DSCAM: variants seen among roughly 807,000 people sequenced by gnomAD.
DSCAM encodes the protein cell adhesion molecule DSCAM.
In DSCAM, 47 loss-of-function variants were observed where a neutral mutation model predicts 217.7. That is an observed-to-expected ratio of 0.22 (90% CI 0.17 to 0.28). The LOEUF (loss-of-function observed/expected upper bound fraction) is 0.28, where lower values mean the gene tolerates loss of function less well. Ranked by LOEUF, DSCAM falls within the 10% of genes least tolerant of loss-of-function variation. The pLI is 1.00. For missense variants in DSCAM, 2,080 were observed against 2,618.3 expected, an observed-to-expected ratio of 0.79 and a Z score of 4.49; for synonymous variants, 1,056 against 1,015.3, an observed-to-expected ratio of 1.04 and a Z score of -0.76.
chr21:40,451,840 CTCAAGGTCATCA>C (rs2075722282), intron 3 of DSCAM, among the ~76,000 whole-genome samples: 1 of 152,096 alleles, frequency 6.6e-6, no homozygotes, highest in African/African-American at 2.4e-5. Flanking sequence ...TATCCTACTG[CTCAAGGTCATCA>C]TCAAAGTCTG....
intron 3 of DSCAM, 137 bp from the exon 4 acceptor site, chr21:40,369,382 CTGCGTGTGTGTG>C: frequency 2.0e-6 from 1 of 508,730 alleles, no homozygotes. Flanking sequence ...GTGCGTGCGT[CTGCGTGTGTGTG>C]TGTGTGTGTG....
At chr21:40,473,489 A>G (rs184061924) in intron 3 of DSCAM, among the ~76,000 whole-genome samples, 122 of 152,342 alleles carry the variant, frequency 8.0e-4, no homozygotes, top group African/African-American at 2.7e-3. Context: ...CTTAGATAAT[A>G]GCCTGGTGTT....
At chr21:40,715,376 G>A (rs2090830560) in intron 1 of DSCAM, among the ~76,000 whole-genome samples, 1 of 152,194 alleles carries the variant, frequency 6.6e-6, no homozygotes, top group African/African-American at 2.4e-5. Context: ...GAAACCAAGA[G>A]TTTGGCCTCC....
At chr21:40,621,266 T>C (rs1338231250) in intron 3 of DSCAM, 1 of 152,198 alleles carries the variant, frequency 6.6e-6, no homozygotes, top group Non-Finnish European at 1.5e-5. Flanking sequence ...GTGGGATAAG[T>C]GGAGCCCGAG....
intron 10 of DSCAM, among the ~76,000 whole-genome samples, chr21:40,284,949 T>C (rs530914901): frequency 3.3e-4 from 50 of 152,364 alleles, no homozygotes; most frequent in African/African-American, 1.2e-3. Context: ...TTTCATGGTC[T>C]AGATTAGTGT....
At chr21:40,587,257 A>G (rs1343433557) in intron 3 of DSCAM, among the ~76,000 whole-genome samples, 8 of 152,332 alleles carry the variant, frequency 5.3e-5, no homozygotes, top group Admixed American at 2.0e-4. Context: ...TGAGAACACT[A>G]GGGTCATGTC....
At chr21:40,768,449 A>C (rs1274940904) in intron 1 of DSCAM, among the ~76,000 whole-genome samples, 3 of 152,086 alleles carry the variant, frequency 2.0e-5, no homozygotes, top group Admixed American at 6.5e-5. Context: ...AGTGCTCCCA[A>C]CAATTACAGC....
chr21:40,533,148 T>C (rs2076462736), intron 3 of DSCAM, among the ~76,000 whole-genome samples: 1 of 152,210 alleles, frequency 6.6e-6, no homozygotes, highest in South Asian at 2.1e-4. Flanking sequence ...CCTAAGATTG[T>C]TTCAGGATAC....
At chr21:40,398,459 A>G (rs1375285103) in intron 3 of DSCAM, among the ~76,000 whole-genome samples, 1 of 152,134 alleles carries the variant, frequency 6.6e-6, no homozygotes, top group Non-Finnish European at 1.5e-5. Context: ...TTAAAATAAT[A>G]AATAACTTGC....
chr21:40,562,962 CTTT>C (rs2076732138), intron 3 of DSCAM, among the ~76,000 whole-genome samples: 2 of 152,278 alleles, frequency 1.3e-5, no homozygotes, highest in African/African-American at 4.8e-5. Context: ...TTATATTTTT[CTTT>C]TTATTTCAAT....
At chr21:40,142,961 T>C (rs1273720220) in intron 17 of DSCAM, among the ~76,000 whole-genome samples, 1 of 152,228 alleles carries the variant, frequency 6.6e-6, no homozygotes, top group African/African-American at 2.4e-5. Context: ...TTCTTTACTT[T>C]TAGGACAGTT....
At chr21:40,015,489 G>C (rs1020387430) in intron 32 of DSCAM, among the ~76,000 whole-genome samples, 1 of 151,374 alleles carries the variant, frequency 6.6e-6, no homozygotes, top group Non-Finnish European at 1.5e-5. Context: ...GAGTGCAATG[G>C]TGCATTCATG....
At chr21:40,581,704 A>G (rs1020502351) in intron 3 of DSCAM, among the ~76,000 whole-genome samples, 2 of 152,148 alleles carry the variant, frequency 1.3e-5, no homozygotes, top group Non-Finnish European at 2.9e-5. Context: ...AGGTGGGCAC[A>G]TTTGCTACCC....
intron 10 of DSCAM, among the ~76,000 whole-genome samples, chr21:40,289,215 G>A (rs1601520744): frequency 6.6e-6 from 1 of 152,262 alleles, no homozygotes; most frequent in East Asian, 1.9e-4. Flanking sequence ...CAACCAACAG[G>A]GTAATTGAGC....
chr21:40,042,825 G>C (rs770321240), intron 31 of DSCAM, 152 bp from the exon 32 acceptor site: 19 of 698,302 alleles, frequency 2.7e-5, no homozygotes, highest in Non-Finnish European at 3.7e-5. Context: ...CCTGCCTTAG[G>C]CACTCTGAGG....
intron 32 of DSCAM, 73 bp from the exon 33 acceptor site, chr21:40,013,459 C>G: frequency 8.5e-7 from 1 of 1,180,102 alleles, no homozygotes. Flanking sequence ...TGTGTGCACA[C>G]GGGAAGCCAT....
chr21:40,777,532 A>C (rs930441107), intron 1 of DSCAM, among the ~76,000 whole-genome samples: 1 of 152,226 alleles, frequency 6.6e-6, no homozygotes, highest in South Asian at 2.1e-4. Context: ...TGGATGAAAC[A>C]CAATTCAGAA....
chr21:40,333,770 C>T (rs1008507217), intron 8 of DSCAM, among the ~76,000 whole-genome samples: 4 of 152,236 alleles, frequency 2.6e-5, no homozygotes, highest in African/African-American at 9.6e-5. Flanking sequence ...TCACCACAGT[C>T]TTGCACTCCT....
intron 11 of DSCAM, among the ~76,000 whole-genome samples, chr21:40,191,640 A>AATCTATGTGGCT (rs1309749452): frequency 6.6e-6 from 1 of 152,150 alleles, no homozygotes; most frequent in Admixed American, 6.5e-5. Flanking sequence ...AAATTACTAG[A>AATCTATGTGGCT]ATCTATGTGG....
Sources: allele counts gnomAD v4.1 joint callset (sites outside exome capture counted in the v4.1 genomes callset), GRCh38; gene constraint gnomAD v4.1.1; transcripts MANE v1.5; gene names NCBI Gene and HGNC (gene_info 2026-07-23, HGNC 2026-07-21).